The following NEDD4 variants were observed in gnomAD, a reference collection of about 807,000 sequenced individuals.
NEDD4 encodes the protein E3 ubiquitin-protein ligase NEDD4.
In NEDD4, 99 loss-of-function variants were observed where a neutral mutation model predicts 144.9. The observed-to-expected ratio is 0.68, with a 90% CI of 0.58 to 0.81. The LOEUF (loss-of-function observed/expected upper bound fraction) is 0.81. Ranked by LOEUF, NEDD4 falls within the 30% of genes least tolerant of loss-of-function variation. NEDD4 has a pLI of 0.00. For synonymous variants in NEDD4, 318 were observed against 350.6 expected (o/e 0.91, Z 1.04); for missense variants, 985 against 1,065.9 (o/e 0.92, Z 1.06).
At chr15:55,894,035 G>A (rs2035658544) in intron 5 of NEDD4, among the ~76,000 whole-genome samples, 4 of 152,036 alleles carry the variant, frequency 2.6e-5, no homozygotes, top group Admixed American at 2.6e-4. Context: ...AATGGAGTTA[G>A]ATAAACAATT....
intron 5 of NEDD4, among the ~76,000 whole-genome samples, chr15:55,896,975 T>C (rs955207194): frequency 3.9e-5 from 6 of 152,068 alleles, no homozygotes; most frequent in Admixed American, 3.9e-4. Flanking sequence ...AATATGATTA[T>C]TGACATGGCT....
rs1303668897 is a variant in NEDD4, at chr15:55,860,545, G to A, written c.822C>T (p.Ala274=). ...GGAAGGCCTGGTTGCTATACATGGT[G>A]GCTTCATCTTCTCTTATAATTTCCC... The part of the protein sequence containing the change: ...ENWEIIREDE[A]TMYSNQAFPS... The change falls in exon 11 of 29, where the codon GCC becomes GCT. Residue 274 remains alanine (A), a synonymous_variant. Coordinates refer to ENST00000435532, the MANE Select transcript of NEDD4 (RefSeq NM_006154.4). The A allele has an allele frequency of 1.2e-6, 2 of 1,613,976 alleles. No individual in the cohort carries two copies. Among genetic ancestry groups the A allele is most frequent in the South Asian group, 1.1e-5 (1 of 91,058 alleles).
intron 1 of NEDD4, among the ~76,000 whole-genome samples, chr15:55,993,178 G>A (rs996180971): frequency 6.6e-6 from 1 of 152,226 alleles, no homozygotes; most frequent in Non-Finnish European, 1.5e-5. Flanking sequence ...GGGGGTGGCA[G>A]GAAGGGGCTG....
At chr15:55,882,681 G>C (rs889639596) in intron 5 of NEDD4, among the ~76,000 whole-genome samples, 1 of 152,294 alleles carries the variant, frequency 6.6e-6, no homozygotes, top group Non-Finnish European at 1.5e-5. Flanking sequence ...GTGATCTAGT[G>C]AGACACCAGT....
chr15:55,907,852 A>C (rs1276696799), intron 5 of NEDD4, among the ~76,000 whole-genome samples: 1 of 152,236 alleles, frequency 6.6e-6, no homozygotes, highest in African/African-American at 2.4e-5. Flanking sequence ...CTTTTCAGGA[A>C]ACTTGATCTG....
intron 4 of NEDD4, among the ~76,000 whole-genome samples, chr15:55,927,309 G>A (rs780192237): frequency 3.3e-5 from 5 of 151,662 alleles, no homozygotes; most frequent in Admixed American, 6.6e-5. Flanking sequence ...AGACAAAGAC[G>A]ACAAGATTCT....
intron 14 of NEDD4, among the ~76,000 whole-genome samples, chr15:55,849,828 T>C (rs28420245): frequency 3.0e-4 from 45 of 151,598 alleles, no homozygotes; most frequent in African/African-American, 1.1e-3. Context: ...AGTCTCGCTC[T>C]GTTGCCCAGG....
At position 55,838,539 on chromosome 15, in the gene NEDD4, C is replaced by T. The variant is rs1325139198; in HGVS notation, c.2097G>A (p.Arg699=). ...CAAAAAGTTCTTCATCTATGATAAA[C>T]CTGAGGTCCAATTCTGTTGGGTCAT... ...LENDPTELDL[R]FIIDEELFGQ... Residue 699 remains arginine, a synonymous_variant, in exon 22 of 29, where the codon AGG becomes AGA. Coordinates refer to ENST00000435532, the MANE Select transcript of NEDD4 (RefSeq NM_006154.4). 4 of 1,612,752 alleles carry T rather than the reference C, an allele frequency of 2.5e-6. No individual in the cohort carries two copies. The highest frequency in any genetic ancestry group is 3.4e-6 in the Non-Finnish European group (4 of 1,179,458).
intron 5 of NEDD4, among the ~76,000 whole-genome samples, chr15:55,914,409 C>A (rs67046147): frequency 6.6e-6 from 1 of 151,484 alleles, no homozygotes; most frequent in Non-Finnish European, 1.5e-5. Flanking sequence ...TACTTTGGAA[C>A]GGCCAAATTA....
intron 2 of NEDD4, among the ~76,000 whole-genome samples, chr15:55,963,149 T>TTTTTA (rs2037453712): frequency 6.6e-6 from 1 of 151,242 alleles, no homozygotes; most frequent in African/African-American, 2.4e-5. Context: ...TTTTTTTTTT[T>TTTTTA]GAGACAGGGT....
At position 55,947,256 on chromosome 15, in the gene NEDD4, G is replaced by A. The variant is rs923109047; in HGVS notation, c.237+4120C>T. Among the ~76,000 whole-genome samples the A allele has an allele frequency of 4.6e-5, 7 of 152,080 alleles. 1 individual carries two copies. The South Asian group carries it at 1.0e-3, about 23-fold the overall frequency. ...AAAAGATCAACAAAACTGATAGACC[G>A]CTACCAAGACTAATAAAGAAGAAAA... On this transcript the variant is annotated intron_variant, in intron 4 of 28. Transcript: ENST00000435532.
chr15:55,932,195 T>A (rs1009918786), intron 4 of NEDD4, among the ~76,000 whole-genome samples: 3 of 152,020 alleles, frequency 2.0e-5, no homozygotes, highest in Non-Finnish European at 4.4e-5. Context: ...TCTGATGGCT[T>A]TACCTGCATT....
chr15:55,891,481 C>A (rs1595805133), intron 5 of NEDD4, among the ~76,000 whole-genome samples: 3 of 152,170 alleles, frequency 2.0e-5, no homozygotes, highest in African/African-American at 7.2e-5. Flanking sequence ...CCTAGCCAAC[C>A]AATTGTTCCA....
intron 5 of NEDD4, among the ~76,000 whole-genome samples, chr15:55,881,865 G>A (rs1453748265): frequency 2.0e-5 from 3 of 152,000 alleles, no homozygotes; most frequent in Non-Finnish European, 4.4e-5. Context: ...TTGTTGTGGG[G>A]GCTGTCTTGT....
At chr15:55,960,726 A>C (rs562793022) in intron 2 of NEDD4, among the ~76,000 whole-genome samples, 1 of 152,308 alleles carries the variant, frequency 6.6e-6, no homozygotes, top group African/African-American at 2.4e-5. Flanking sequence ...TCTCAGACAC[A>C]GCATGACTCC....
intron 1 of NEDD4, among the ~76,000 whole-genome samples, chr15:55,968,832 G>C (rs1368261857): frequency 1.3e-5 from 2 of 152,126 alleles, no homozygotes; most frequent in Non-Finnish European, 1.5e-5. Context: ...GTATTTACAG[G>C]AGCATTTTTT....
chr15:55,894,559 A>C (rs2035678799), intron 5 of NEDD4, among the ~76,000 whole-genome samples: 1 of 152,088 alleles, frequency 6.6e-6, no homozygotes, highest in Non-Finnish European at 1.5e-5. Context: ...AGGGGCTTTT[A>C]CCTCACAGAT....
In NEDD4 at chr15:55,910,674, T is replaced by C. The variant is rs546518926; in HGVS notation, c.291+13972A>G. ...TTCTCTCCTGAGCCTTGGTCCTGTATGTCCAACTGCCCTACTTGAAAACAG... is the reference window on the plus strand; with the variant it reads ...TTCTCTCCTGAGCCTTGGTCCTGTACGTCCAACTGCCCTACTTGAAAACAG... On this transcript the variant is annotated intron_variant, in intron 5 of 28. Transcript: ENST00000435532. Among the ~76,000 whole-genome samples, 6 of 152,298 alleles carry C rather than the reference T, an allele frequency of 3.9e-5. No individual in the cohort carries two copies. The South Asian group carries it at 1.2e-3, about 32-fold the overall frequency.
chr15:55,952,598 C>T (rs976832495), intron 2 of NEDD4: 37 of 152,200 alleles, frequency 2.4e-4, no homozygotes, highest in African/African-American at 8.4e-4. Context: ...ATTGGCCAAA[C>T]TCGAAGGCAC....
Sources: allele counts gnomAD v4.1 joint callset (sites outside exome capture counted in the v4.1 genomes callset), GRCh38; gene constraint gnomAD v4.1.1; transcripts MANE v1.5; gene names NCBI Gene and HGNC (gene_info 2026-07-23, HGNC 2026-07-21).